Variants in GMCL1 observed in about 807,000 individuals in gnomAD.
The protein encoded by GMCL1 is germ cell-less 1, spermatogenesis associated, also known as germ cell-less protein-like 1.
A neutral mutation model predicts 75.5 loss-of-function variants in GMCL1; 54 were observed. The observed-to-expected ratio is 0.71, with a 90% CI of 0.57 to 0.90. GMCL1 has a LOEUF of 0.90. Among genes scored for constraint, GMCL1 ranks in the 40% least tolerant of loss-of-function variants. The pLI is 0.00. For missense variants in GMCL1, 537 were observed against 622.7 expected (o/e 0.86, Z 1.47); for synonymous variants, 210 against 209.6 (o/e 1.00, Z -0.02).
chr2:69,862,234 A>G (rs368630518), intron 10 of GMCL1, among the ~76,000 whole-genome samples: 12 of 152,114 alleles, frequency 7.9e-5, no homozygotes, highest in African/African-American at 2.9e-4. Flanking sequence ...AAGACCTTCA[A>G]AGTTTAATTT....
rs374519168 is a variant in GMCL1, at chr2:69,834,402, T to G, written c.261-3145T>G. Among the ~76,000 whole-genome samples, 43 of 152,358 alleles carry G rather than the reference T, an allele frequency of 2.8e-4. No individual in the cohort carries two copies. The South Asian group carries it at 8.7e-3, about 31-fold the overall frequency. On this transcript the variant is annotated intron_variant, in intron 1 of 13. Coordinates refer to ENST00000282570, the MANE Select transcript of GMCL1 (RefSeq NM_178439.5). ...TTTCTCGCTTATTTTAGGAACTATTTAATACATCCTCAAGTATTTTCCAAG... is the reference window on the plus strand; with the variant it reads ...TTTCTCGCTTATTTTAGGAACTATTGAATACATCCTCAAGTATTTTCCAAG...
chr2:69,829,932 C>CG lies in GMCL1; in HGVS notation c.40_41insG (p.Pro14ArgfsTer52). On this transcript the variant is annotated frameshift_variant, in exon 1 of 14. Transcript: ENST00000282570. LOFTEE classifies it high-confidence loss of function. ...CAGCCGGGTGCTGCGCCAGCCAAGA[C>CG]CAGCCCTTGCCCAGCAGGCGCAGGG... 6.2e-7 allele frequency: 1 copy of CG among 1,604,310 alleles called. No individual in the cohort carries two copies. Among genetic ancestry groups the CG allele is most frequent in the Non-Finnish European group, 8.5e-7 (1 of 1,175,578 alleles).
chr2:69,843,092 C>A, intron 4 of GMCL1, 57 bp from the exon 5 acceptor site: 1 of 764,754 alleles, frequency 1.3e-6, no homozygotes, highest in Non-Finnish European at 2.1e-6. Context: ...TAAAAGCTGT[C>A]AGAGCTAATT....
At chr2:69,842,079 G>T (rs1217812827) in intron 4 of GMCL1, among the ~76,000 whole-genome samples, 2 of 152,206 alleles carry the variant, frequency 1.3e-5, no homozygotes, top group Non-Finnish European at 2.9e-5. Flanking sequence ...TGTGACAGAT[G>T]AATTGAAGGA....
At position 69,835,030 on chromosome 2, in the gene GMCL1, A is replaced by G. The variant is rs140572151; in HGVS notation, c.261-2517A>G. Among the ~76,000 whole-genome samples the G allele has an allele frequency of 6.5e-4, 99 of 152,222 alleles. 2 individuals carry two copies. Among genetic ancestry groups the G allele is most frequent in the Middle Eastern group, 3.4e-3 (1 of 294 alleles). On this transcript the variant is annotated intron_variant, in intron 1 of 13. Coordinates refer to ENST00000282570, the MANE Select transcript of GMCL1 (RefSeq NM_178439.5). ...TAAAATATGAAATGTGCTGTGATCCATGAAAGCTTGGGAACCTCTGCTCTA... is the reference window on the plus strand; with the variant it reads ...TAAAATATGAAATGTGCTGTGATCCGTGAAAGCTTGGGAACCTCTGCTCTA...
intron 5 of GMCL1, 88 bp from the exon 6 acceptor site, chr2:69,844,043 T>G: frequency 6.9e-6 from 4 of 578,712 alleles, no homozygotes; most frequent in Non-Finnish European, 1.1e-5. Context: ...CTGGCAAGAT[T>G]AATCTGATTT....
intron 9 of GMCL1, among the ~76,000 whole-genome samples, chr2:69,857,144 C>T (rs909972382): frequency 6.6e-6 from 1 of 152,130 alleles, no homozygotes; most frequent in African/African-American, 2.4e-5. Context: ...CTTTAACTTC[C>T]AACCCATTTT....
chr2:69,872,424 C>T, intron 13 of GMCL1, among the ~76,000 whole-genome samples: 2 of 152,194 alleles, frequency 1.3e-5, no homozygotes, highest in Non-Finnish European at 2.9e-5. Flanking sequence ...TATTGAGGAA[C>T]TTTATTTCTA....
chr2:69,859,339 G>T (rs1675572380), intron 9 of GMCL1, among the ~76,000 whole-genome samples: 1 of 150,172 alleles, frequency 6.7e-6, no homozygotes, highest in East Asian at 1.9e-4. Flanking sequence ...ATATATATAT[G>T]AATTTTTTTA....
intron 4 of GMCL1, among the ~76,000 whole-genome samples, chr2:69,841,574 A>G (rs374093529): frequency 1.7e-4 from 26 of 152,372 alleles, no homozygotes; most frequent in African/African-American, 6.3e-4. Context: ...CGTAATCCTT[A>G]CTTTCAAAAA....
rs775142748 is a variant in GMCL1 at position 69,829,875 on chromosome 2, C to CT, written c.-17dup. On this transcript the variant is annotated 5_prime_UTR_variant, in exon 1 of 14. Transcript: ENST00000282570. Reference sequence around the variant, plus strand: ...CCCCCTTCTCTGGGCTCCCTGAAGTCTCGGGGAGCCGTGACCCATGGGATC... The same window carrying CT: ...CCCCCTTCTCTGGGCTCCCTGAAGTCTTCGGGGAGCCGTGACCCATGGGATC... 1.3e-5 allele frequency: 21 copies of CT among 1,564,356 alleles called. No individual in the cohort carries two copies. Among genetic ancestry groups the CT allele is most frequent in the Non-Finnish European group, 1.8e-5 (21 of 1,157,176 alleles).
chr2:69,859,374 G>A (rs1222105500), intron 9 of GMCL1, among the ~76,000 whole-genome samples: 10 of 151,464 alleles, frequency 6.6e-5, no homozygotes, highest in Non-Finnish European at 1.0e-4. Context: ...TGTGTGCTGA[G>A]TCATGTAATA....
At chr2:69,849,528 G>T (rs1341141474) in intron 7 of GMCL1, 124 bp from the exon 8 acceptor site, 7 of 576,252 alleles carry the variant, frequency 1.2e-5, no homozygotes, top group Non-Finnish European at 2.1e-5. Context: ...TCTTGCAATT[G>T]CTGGTAAAGT....
chr2:69,841,377 A>G (rs1449914312), intron 4 of GMCL1, among the ~76,000 whole-genome samples: 3 of 151,310 alleles, frequency 2.0e-5, no homozygotes, highest in African/African-American at 7.4e-5. Flanking sequence ...TTACCAATTA[A>G]TTTCATTCAT....
chr2:69,835,797 G>C (rs1674802954), intron 1 of GMCL1, among the ~76,000 whole-genome samples: 1 of 152,214 alleles, frequency 6.6e-6, no homozygotes, highest in South Asian at 2.1e-4. Context: ...ATGCCTCTCT[G>C]AGTTGGCTGT....
chr2:69,859,224 C>A (rs1675567905), intron 9 of GMCL1, among the ~76,000 whole-genome samples: 1 of 151,002 alleles, frequency 6.6e-6, no homozygotes, highest in Admixed American at 6.6e-5. Context: ...CTGACTCTTT[C>A]ATTCCAATTT....
Position 69,838,336 on chromosome 2 carries a change from CAAAAAAAAAAA to C in GMCL1, c.384+684_384+694del, listed in dbSNP as rs71397366. ...TGGGCAACAGAGCGAGACTCTGTCT[CAAAAAAAAAAA>C]AAAAAAAAAAAAAAAAATCGGAGCT... On this transcript the variant is annotated intron_variant, in intron 2 of 13. Coordinates refer to ENST00000282570, the MANE Select transcript of GMCL1 (RefSeq NM_178439.5). 9.5e-3 allele frequency among the ~76,000 whole-genome samples: 300 copies of C among 31,532 alleles called. 3 individuals are homozygous for C. Among genetic ancestry groups the C allele is most frequent in the African/African-American group, 0.03 (288 of 9,446 alleles). 20.7% of individuals were successfully genotyped at this position (31,532 alleles called of 152,430 possible).
rs1434138402 is a variant in GMCL1, at chr2:69,829,698, C to G, written c.-195C>G. 2.7e-5 allele frequency: 17 copies of G among 618,768 alleles called. No homozygotes were observed. The allele number at this position is 618,768 out of a possible 1,614,324, so 38.3% of individuals were successfully genotyped here. ...AGCGAGGGGGCGAGGTGCTGCGGTG[C>G]TAGAGCGCGGCGCGACCGGACGCTG... On this transcript the variant is annotated 5_prime_UTR_variant, in exon 1 of 14. Coordinates refer to ENST00000282570, the MANE Select transcript of GMCL1 (RefSeq NM_178439.5).
chr2:69,871,989 C>G (rs1675995409), intron 13 of GMCL1, among the ~76,000 whole-genome samples, 157 bp downstream of exon 13: 1 of 152,078 alleles, frequency 6.6e-6, no homozygotes, highest in Non-Finnish European at 1.5e-5. Flanking sequence ...ACCACATTCA[C>G]TTATGCATAA....
Sources: allele counts gnomAD v4.1 joint callset (sites outside exome capture counted in the v4.1 genomes callset), GRCh38; gene constraint gnomAD v4.1.1; transcripts MANE v1.5; gene names NCBI Gene and HGNC (gene_info 2026-07-23, HGNC 2026-07-21).